Variants in LRRTM4 observed in about 807,000 individuals in gnomAD.
LRRTM4 encodes the protein leucine-rich repeat transmembrane neuronal protein 4.
Under a neutral mutation model 47.6 loss-of-function variants are expected in LRRTM4, and 25 were observed. The observed-to-expected ratio is 0.53, with a 90% confidence interval of 0.38 to 0.73. The LOEUF (loss-of-function observed/expected upper bound fraction) is 0.73. Ranked by LOEUF, LRRTM4 falls within the 30% of genes least tolerant of loss-of-function variation. The probability of loss-of-function intolerance (pLI) is 0.00; values close to 1 mark genes in which losing one functional copy is unlikely to be tolerated. For synonymous variants in LRRTM4, 311 were observed against 269.5 expected (o/e 1.15, Z -1.51); for missense variants, 638 against 713.4 (o/e 0.89, Z 1.20).
intron 3 of LRRTM4, among the ~76,000 whole-genome samples, chr2:77,287,157 T>A (rs1029622027): frequency 6.6e-6 from 1 of 151,894 alleles, no homozygotes; most frequent in Non-Finnish European, 1.5e-5. Flanking sequence ...TCTGCATAGG[T>A]AAGCCCGTGT....
intron 3 of LRRTM4, among the ~76,000 whole-genome samples, chr2:76,898,399 C>G (rs1673496417): frequency 6.6e-6 from 1 of 151,538 alleles, no homozygotes; most frequent in Admixed American, 6.6e-5. Flanking sequence ...AATTTCACAC[C>G]TGTAGAAAGG....
At chr2:76,895,652 G>A (rs1458982192) in intron 3 of LRRTM4, among the ~76,000 whole-genome samples, 1 of 151,926 alleles carries the variant, frequency 6.6e-6, no homozygotes, top group Non-Finnish European at 1.5e-5. Flanking sequence ...AAACTCTTCA[G>A]GTTGCGCAAC....
At chr2:77,137,035 A>C (rs939682765) in intron 3 of LRRTM4, among the ~76,000 whole-genome samples, 2 of 151,964 alleles carry the variant, frequency 1.3e-5, no homozygotes, top group African/African-American at 2.4e-5. Flanking sequence ...GAATGGAACC[A>C]AGGTGGAAAA....
chr2:76,797,501 C>T (rs185511544), intron 3 of LRRTM4, among the ~76,000 whole-genome samples: 4,168 of 152,138 alleles, frequency 0.027, 196 homozygotes, highest in African/African-American at 0.082. Flanking sequence ...GTATCAGCTG[C>T]TGCAAAATCA....
chr2:77,356,285 A>T (rs923477525), intron 3 of LRRTM4, among the ~76,000 whole-genome samples: 5 of 152,196 alleles, frequency 3.3e-5, no homozygotes, highest in Non-Finnish European at 7.3e-5. Flanking sequence ...AGAAAATTAG[A>T]CCATTTGGAG....
chr2:76,796,257 A>C (rs1210445508), intron 3 of LRRTM4, among the ~76,000 whole-genome samples: 30,671 of 123,182 alleles, frequency 0.25, 5,869 homozygotes, highest in East Asian at 0.51. Context: ...CCCGCCATTG[A>C]ACAGGCTTGA....
intron 3 of LRRTM4, among the ~76,000 whole-genome samples, chr2:77,475,199 T>C (rs1441920872): frequency 6.6e-6 from 1 of 152,076 alleles, no homozygotes; most frequent in Non-Finnish European, 1.5e-5. Flanking sequence ...CTGTAGCAAC[T>C]CCAATTCACA....
intron 3 of LRRTM4, among the ~76,000 whole-genome samples, chr2:76,993,798 C>T (rs1584235): frequency 0.5 from 76,599 of 151,746 alleles, 20,042 homozygotes; most frequent in African/African-American, 0.64. Flanking sequence ...AAAAGACACA[C>T]GCCCTTGTAA....
chr2:76,987,682 A>G (rs1053933958), intron 3 of LRRTM4, among the ~76,000 whole-genome samples: 2 of 151,888 alleles, frequency 1.3e-5, no homozygotes, highest in Non-Finnish European at 2.9e-5. Context: ...TTTAAGCCAC[A>G]TTAGTTTGCC....
chr2:77,217,021 C>T lies in LRRTM4; in HGVS notation c.1551+301297G>A, dbSNP rs113905747. The stretch of plus-strand genomic sequence containing the variant: ...CTGGGAGGCAGAGGTTGCGGTGAGC[C>T]GAGATTGCGCCACTGCACTGCAGCC... On this transcript the variant is annotated intron_variant, in intron 3 of 3. Coordinates refer to ENST00000409884, the MANE Select transcript of LRRTM4 (RefSeq NM_001134745.3). Among the ~76,000 whole-genome samples the T allele has an allele frequency of 4.1e-3, 613 of 149,146 alleles. 1 individual carries two copies. Among genetic ancestry groups the T allele is most frequent in the African/African-American group, 0.014 (584 of 40,480 alleles).
At chr2:77,477,901 GAAAAAGAA>G (rs1558761861) in intron 3 of LRRTM4, among the ~76,000 whole-genome samples, 3 of 71,106 alleles carry the variant, frequency 4.2e-5, no homozygotes, top group African/African-American at 5.6e-5. Flanking sequence ...GAAAAAGAAA[GAAAAAGAA>G]AGAAAGAAAG....
intron 3 of LRRTM4, among the ~76,000 whole-genome samples, chr2:77,123,718 A>G (rs1306524644): frequency 6.6e-6 from 1 of 152,016 alleles, no homozygotes; most frequent in Non-Finnish European, 1.5e-5. Flanking sequence ...TCAGAAGTTA[A>G]TATTTGTTAT....
intron 3 of LRRTM4, among the ~76,000 whole-genome samples, chr2:76,836,920 C>CA: frequency 6.6e-6 from 1 of 152,182 alleles, no homozygotes; most frequent in South Asian, 2.1e-4. Flanking sequence ...AATATTTTCA[C>CA]AAAAATTTAG....
chr2:76,876,367 T>C (rs769083387), intron 3 of LRRTM4, among the ~76,000 whole-genome samples: 5 of 152,050 alleles, frequency 3.3e-5, no homozygotes, highest in African/African-American at 9.7e-5. Flanking sequence ...GATTAGAAAA[T>C]TGTTATATAA....
In LRRTM4 at chr2:77,254,333, T is replaced by C. The variant is rs562144271; in HGVS notation, c.1551+263985A>G. ...CTATCCTTCATAAATGAGAGGAATATCAGCAATTCTTGATGGAGGAAAATA... is the reference window on the plus strand; with the variant it reads ...CTATCCTTCATAAATGAGAGGAATACCAGCAATTCTTGATGGAGGAAAATA... On this transcript the variant is annotated intron_variant, in intron 3 of 3. Transcript: ENST00000409884. Among the ~76,000 whole-genome samples the C allele has an allele frequency of 4.0e-5, 6 of 151,850 alleles. 1 individual carries two copies. In the South Asian group the frequency reaches 1.2e-3, roughly 32 times the overall value.
intron 3 of LRRTM4, among the ~76,000 whole-genome samples, chr2:76,886,772 T>A (rs1558714431): frequency 6.6e-6 from 1 of 151,998 alleles, no homozygotes. Context: ...TTTTTAACAA[T>A]TTATGTGTAG....
At chr2:76,768,961 T>C (rs1011664256) in intron 3 of LRRTM4, among the ~76,000 whole-genome samples, 6 of 152,164 alleles carry the variant, frequency 3.9e-5, no homozygotes, top group African/African-American at 1.2e-4. Flanking sequence ...CTTTTCTTGA[T>C]GTACACATCA....
rs564933371 is a variant in LRRTM4, at chr2:77,220,583, T to C, written c.1551+297735A>G. On this transcript the variant is annotated intron_variant, in intron 3 of 3. Transcript: ENST00000409884. ...GCACAAGCCTCAGTAACCGATGTGATCAACTGGAAGAAAGGGTATCAGTGA... is the reference window on the plus strand; with the variant it reads ...GCACAAGCCTCAGTAACCGATGTGACCAACTGGAAGAAAGGGTATCAGTGA... Among the ~76,000 whole-genome samples the C allele has an allele frequency of 1.3e-4, 20 of 152,246 alleles. No homozygotes were observed. The East Asian group carries it at 3.9e-3, about 29-fold the overall frequency.
chr2:77,009,257 A>C (rs1206501367), intron 3 of LRRTM4: 1 of 152,122 alleles, frequency 6.6e-6, no homozygotes, highest in Non-Finnish European at 1.5e-5. Context: ...TTACTGTATG[A>C]TTTCAACATT....
Sources: gnomAD v4.1 joint callset for allele counts (sites outside exome capture counted in the v4.1 genomes callset) on GRCh38, gnomAD v4.1.1 for gene constraint, MANE v1.5 for transcripts, NCBI Gene and HGNC (gene_info 2026-07-23, HGNC 2026-07-21) for gene names.